Variants in FAM135B observed in about 807,000 individuals in gnomAD.
FAM135B encodes protein FAM135B.
FAM135B carries 43 observed loss-of-function variants against 127.7 expected under a neutral mutation model. The ratio of observed to expected loss-of-function variants is 0.34; its 90% confidence interval spans 0.26 to 0.43. The LOEUF is 0.43. FAM135B is among the 20% of genes least tolerant of loss of function. The pLI, the probability that FAM135B is intolerant of heterozygous loss-of-function variation, is 1.00. For synonymous variants in FAM135B, 670 were observed against 665.1 expected, an observed-to-expected ratio of 1.01 and a Z score of -0.11; for missense variants, 1,558 against 1,725.6, an observed-to-expected ratio of 0.90 and a Z score of 1.72.
At chr8:138,441,609 G>C (rs1364914912) in intron 1 of FAM135B, 1 of 152,128 alleles carries the variant, frequency 6.6e-6, no homozygotes, top group African/African-American at 2.4e-5. Flanking sequence ...ACGAGAGAAA[G>C]AATTTCTGTT....
chr8:138,340,413 A>T (rs745515894), intron 2 of FAM135B, among the ~76,000 whole-genome samples: 2 of 152,182 alleles, frequency 1.3e-5, no homozygotes, highest in African/African-American at 4.8e-5. Context: ...TCACATGGAT[A>T]TGATTAGTAT....
At chr8:138,447,118 C>T (rs1434959350) in intron 1 of FAM135B, among the ~76,000 whole-genome samples, 2 of 151,850 alleles carry the variant, frequency 1.3e-5, no homozygotes, top group Non-Finnish European at 2.9e-5. Context: ...CCATCTCACA[C>T]CAGTTAGAAT....
chr8:138,157,579 GATA>G (rs199992776), intron 12 of FAM135B, among the ~76,000 whole-genome samples: 28,237 of 152,020 alleles, frequency 0.19, 2,589 homozygotes, highest in East Asian at 0.24. Context: ...TCCTGAAGCT[GATA>G]AGCACCTTCA....
intron 12 of FAM135B, among the ~76,000 whole-genome samples, chr8:138,162,833 G>T (rs890036327): frequency 6.6e-6 from 1 of 152,076 alleles, no homozygotes; most frequent in Non-Finnish European, 1.5e-5. Flanking sequence ...CAGAGAGAGA[G>T]AACCCACGCC....
At chr8:138,383,277 C>T (rs1332084330) in intron 1 of FAM135B, among the ~76,000 whole-genome samples, 3 of 152,150 alleles carry the variant, frequency 2.0e-5, no homozygotes, top group Non-Finnish European at 2.9e-5. Flanking sequence ...TGCTTTGGTT[C>T]GAATCCCAAA....
Position 138,149,104 on chromosome 8 carries a change from A to G in FAM135B, c.3282-418T>C, listed in dbSNP as rs1479653273. 4.0e-5 allele frequency among the ~76,000 whole-genome samples: 6 copies of G among 151,734 alleles called. No individual in the cohort carries two copies. The South Asian group carries it at 6.3e-4, about 16-fold the overall frequency. On this transcript the variant is annotated intron_variant, in intron 13 of 19. Coordinates refer to ENST00000395297, the MANE Select transcript of FAM135B (RefSeq NM_015912.4). Reference sequence around the variant, plus strand: ...TGTAACAAACCTGCATGTTGTGCACATGTACCCTAAAACTTAAAGTATAAT... The same window carrying G: ...TGTAACAAACCTGCATGTTGTGCACGTGTACCCTAAAACTTAAAGTATAAT...
Position 138,146,872 on chromosome 8 carries a change from C to A in FAM135B, c.3449-822G>T, listed in dbSNP as rs533458430. On this transcript the variant is annotated intron_variant, in intron 14 of 19. Coordinates refer to ENST00000395297, the MANE Select transcript of FAM135B (RefSeq NM_015912.4). ...GCTGGGTATTTGGATATATAAATTA[C>A]CTACTTTGTCATGTAAATATACCCC... Among the ~76,000 whole-genome samples, 16 of 152,280 alleles carry A rather than the reference C, an allele frequency of 1.1e-4. No homozygotes were observed. In the South Asian group the frequency reaches 3.1e-3, roughly 30 times the overall value.
intron 10 of FAM135B, 31 bp downstream of exon 10, chr8:138,178,504 A>T: frequency 6.2e-7 from 1 of 1,611,428 alleles, no homozygotes; most frequent in South Asian, 1.1e-5. Context: ...AATGCATGTG[A>T]TCAGAGAATG....
chr8:138,226,679 A>C (rs906820327), intron 7 of FAM135B, among the ~76,000 whole-genome samples: 58 of 152,268 alleles, frequency 3.8e-4, no homozygotes, highest in Admixed American at 3.3e-3. Flanking sequence ...CTCCTGCCTC[A>C]GCCTCTCAAG....
At chr8:138,408,826 C>G (rs1833687885) in intron 1 of FAM135B, among the ~76,000 whole-genome samples, 1 of 152,126 alleles carries the variant, frequency 6.6e-6, no homozygotes, top group Admixed American at 6.6e-5. Flanking sequence ...CACCAGGTCC[C>G]TCTCTTGACA....
At chr8:138,479,652 T>C (rs1367598254) in intron 1 of FAM135B, among the ~76,000 whole-genome samples, 1 of 152,206 alleles carries the variant, frequency 6.6e-6, no homozygotes, top group Non-Finnish European at 1.5e-5. Flanking sequence ...CAATAGATAA[T>C]GCATGCAAAG....
chr8:138,430,616 G>A (rs1488017876), intron 1 of FAM135B, among the ~76,000 whole-genome samples: 1 of 152,140 alleles, frequency 6.6e-6, no homozygotes, highest in Non-Finnish European at 1.5e-5. Flanking sequence ...AAACTTGGAA[G>A]GAAAACAGGA....
chr8:138,449,908 T>C (rs1279226538), intron 1 of FAM135B, among the ~76,000 whole-genome samples: 3 of 152,186 alleles, frequency 2.0e-5, no homozygotes, highest in Non-Finnish European at 4.4e-5. Context: ...TCCCTATATA[T>C]ACATAAATAT....
chr8:138,319,487 CT>C (rs1373730213), intron 2 of FAM135B, among the ~76,000 whole-genome samples: 4 of 152,128 alleles, frequency 2.6e-5, no homozygotes, highest in Admixed American at 6.6e-5. Flanking sequence ...GAGCAGTTTG[CT>C]TAAATTGTTG....
intron 1 of FAM135B, among the ~76,000 whole-genome samples, chr8:138,490,505 T>A (rs1040089565): frequency 6.6e-6 from 1 of 152,104 alleles, no homozygotes; most frequent in Non-Finnish European, 1.5e-5. Flanking sequence ...GACAGACGGG[T>A]GGATAAGGGC....
At chr8:138,140,987 G>A (rs1205541166) in intron 17 of FAM135B, among the ~76,000 whole-genome samples, 18 of 152,032 alleles carry the variant, frequency 1.2e-4, no homozygotes, top group Non-Finnish European at 1.5e-5. Context: ...AAATTTGAAG[G>A]CAGAAATGAT....
intron 1 of FAM135B, among the ~76,000 whole-genome samples, chr8:138,449,904 T>C (rs915738170): frequency 1.3e-5 from 2 of 152,188 alleles, no homozygotes; most frequent in Non-Finnish European, 2.9e-5. Flanking sequence ...TCAATCCCTA[T>C]ATATACATAA....
chr8:138,143,155 G>C, intron 15 of FAM135B, 46 bp from the exon 16 acceptor site: 1 of 1,124,460 alleles, frequency 8.9e-7, no homozygotes, highest in South Asian at 1.2e-5. Context: ...TTGTGGCGGG[G>C]GCTGGGCTTT....
At chr8:138,319,434 C>T (rs763493775) in intron 2 of FAM135B, among the ~76,000 whole-genome samples, 1 of 152,130 alleles carries the variant, frequency 6.6e-6, no homozygotes. Context: ...ATCTTAGAGC[C>T]ATCTCCTACT....
Sources: gnomAD v4.1 joint callset for allele counts (sites outside exome capture counted in the v4.1 genomes callset) on GRCh38, gnomAD v4.1.1 for gene constraint, MANE v1.5 for transcripts, NCBI Gene and HGNC (gene_info 2026-07-23, HGNC 2026-07-21) for gene names.